The following RNF144A variants were observed in gnomAD, a reference collection of about 807,000 sequenced individuals.
RNF144A encodes ring finger protein 144A, also known as E3 ubiquitin-protein ligase RNF144A.
RNF144A carries 11 observed loss-of-function variants against 38.7 expected under a neutral mutation model. The ratio of observed to expected loss-of-function variants is 0.28; its 90% CI spans 0.18 to 0.47. The LOEUF (loss-of-function observed/expected upper bound fraction) is 0.47. Among genes scored for constraint, RNF144A ranks in the 20% least tolerant of loss-of-function variants. The pLI is 0.99. For synonymous variants in RNF144A, 149 were observed against 143.9 expected (o/e 1.04, Z -0.25); for missense variants, 316 against 377.2 (o/e 0.84, Z 1.34).
rs1467176300 is a variant in RNF144A, at chr2:6,943,985, G to A, written c.-12+2838G>A. 6.6e-6 allele frequency among the ~76,000 whole-genome samples: 1 copy of A among 152,174 alleles called. No homozygotes were observed. The highest frequency in any genetic ancestry group is 2.4e-5 in the African/African-American group (1 of 41,440). On this transcript the variant is annotated intron_variant, in intron 2 of 8. Coordinates refer to ENST00000320892, the MANE Select transcript of RNF144A (RefSeq NM_014746.6). The surrounding 1 kb of genome is among the most constrained non-coding windows in gnomAD (Gnocchi z 4.3). ...TGCTTCTCTAGACAGCCCTGATGGG[G>A]AGTTGAAGTGTGCAGGAGGTCAAGG...
chr2:6,990,535 ATG>A (rs1669286064), intron 2 of RNF144A, among the ~76,000 whole-genome samples: 1 of 137,750 alleles, frequency 7.3e-6, no homozygotes, highest in African/African-American at 2.7e-5. Flanking sequence ...ATATATTGCT[ATG>A]TATATATATA....
intron 2 of RNF144A, among the ~76,000 whole-genome samples, chr2:6,979,941 C>A (rs1282608960): frequency 6.6e-6 from 1 of 152,174 alleles, no homozygotes; most frequent in Non-Finnish European, 1.5e-5. Flanking sequence ...AGGAAACTCA[C>A]AATTATGGCT....
intron 5 of RNF144A, among the ~76,000 whole-genome samples, chr2:7,016,702 G>A (rs1351980086): frequency 6.6e-6 from 1 of 151,664 alleles, no homozygotes; most frequent in Non-Finnish European, 1.5e-5. Context: ...ATATAGTTAT[G>A]GATTATAGCC....
chr2:6,948,225 A>C (rs879683473), intron 2 of RNF144A, among the ~76,000 whole-genome samples: 4 of 152,170 alleles, frequency 2.6e-5, no homozygotes, highest in Non-Finnish European at 5.9e-5. Context: ...GGCTGCAGGA[A>C]TTTGGGAGAT....
chr2:7,060,258 GTT>G (rs745529220), intron 6 of RNF144A, among the ~76,000 whole-genome samples: 15 of 150,992 alleles, frequency 9.9e-5, no homozygotes, highest in Non-Finnish European at 1.9e-4. Context: ...ACATGATCCT[GTT>G]TTGTTTTTTT....
chr2:7,024,884 C>T (rs995930571), intron 7 of RNF144A, among the ~76,000 whole-genome samples: 1 of 151,976 alleles, frequency 6.6e-6, no homozygotes, highest in African/African-American at 2.4e-5. Flanking sequence ...ATTTATTCCT[C>T]ATGGTTCTGG....
At chr2:6,939,989 A>G (rs937693094) in intron 1 of RNF144A, among the ~76,000 whole-genome samples, 1 of 150,730 alleles carries the variant, frequency 6.6e-6, no homozygotes, top group Non-Finnish European at 1.5e-5. Context: ...AAGAAGTGTA[A>G]CTCCCCCAAG....
At chr2:7,036,248 G>A (rs1672671073) in intron 8 of RNF144A, among the ~76,000 whole-genome samples, 1 of 152,192 alleles carries the variant, frequency 6.6e-6, no homozygotes, top group Non-Finnish European at 1.5e-5. Context: ...CATCTGACAA[G>A]GGAGAATCTT....
chr2:6,993,796 G>T (rs1440939972), intron 2 of RNF144A, among the ~76,000 whole-genome samples: 1 of 152,100 alleles, frequency 6.6e-6, no homozygotes, highest in African/African-American at 2.4e-5. Flanking sequence ...CCAACAGCTT[G>T]TTTTATCCAT....
intron 2 of RNF144A, among the ~76,000 whole-genome samples, chr2:6,996,416 C>T (rs1019814361): frequency 6.6e-6 from 1 of 151,996 alleles, no homozygotes; most frequent in African/African-American, 2.4e-5. Flanking sequence ...GAGTTGTTTG[C>T]CGTTTTGAGG....
Position 7,030,193 on chromosome 2 carries a change from C to A in RNF144A, c.725C>A (p.Ser242Tyr). The stretch of plus-strand genomic sequence containing the variant: ...AACAAGCTGGGCCACTCCCGGGCAT[C>A]TGTGATCTGGCATCGGACACAGGTA... ...CRNKLGHSRA[S>Y]VIWHRTQVVG... is the part of the protein sequence containing the mutation. The change falls in exon 8 of 9, where the codon TCT becomes TAT. Residue 242 changes from serine to tyrosine, a missense_variant. Transcript: ENST00000320892. 2 of 1,613,322 alleles carry A rather than the reference C, an allele frequency of 1.2e-6. No homozygotes were observed. Among genetic ancestry groups the A allele is most frequent in the Non-Finnish European group, 1.7e-6 (2 of 1,179,694 alleles).
At position 7,040,160 on chromosome 2, in the gene RNF144A, A is replaced by C. The variant is rs1672960186; in HGVS notation, c.*400A>C. 1 of 995,176 alleles carries C rather than the reference A, an allele frequency of 1.0e-6. No homozygotes were observed. Among genetic ancestry groups the C allele is most frequent in the African/African-American group, 1.7e-5 (1 of 57,622 alleles). The allele number at this position is 995,176 out of a possible 1,614,324, so 61.6% of individuals were successfully genotyped here. ...TTAAGGACTGCCACTCTCTTCAGAC[A>C]GAATCTGATTATTCCAGCTTGAGAG... On this transcript the variant is annotated 3_prime_UTR_variant, in exon 9 of 9. Transcript: ENST00000320892.
intron 2 of RNF144A, among the ~76,000 whole-genome samples, chr2:6,960,278 C>T (rs1330019107): frequency 6.6e-6 from 1 of 152,208 alleles, no homozygotes; most frequent in African/African-American, 2.4e-5. Context: ...ATCTTCGCAA[C>T]AGAGTGAAAA....
intron 2 of RNF144A, among the ~76,000 whole-genome samples, chr2:6,942,734 A>G (rs1393566716): frequency 6.6e-6 from 1 of 152,242 alleles, no homozygotes; most frequent in African/African-American, 2.4e-5. Context: ...CTGTAATCCC[A>G]GCACTTTGGG....
At chr2:7,058,588 A>T (rs1404722909) in intron 6 of RNF144A, among the ~76,000 whole-genome samples, 1 of 152,198 alleles carries the variant, frequency 6.6e-6, no homozygotes, top group Non-Finnish European at 1.5e-5. Flanking sequence ...TCTAAAGGAT[A>T]AAAACTTTTT....
rs551960604 is a variant in RNF144A at position 6,943,335 on chromosome 2, G to C, written c.-12+2188G>C. Among the ~76,000 whole-genome samples, 4 of 152,286 alleles carry C rather than the reference G, an allele frequency of 2.6e-5. No individual in the cohort carries two copies. The highest frequency in any genetic ancestry group is 9.6e-5 in the African/African-American group (4 of 41,558). On this transcript the variant is annotated intron_variant, in intron 2 of 8. Coordinates refer to ENST00000320892, the MANE Select transcript of RNF144A (RefSeq NM_014746.6). The surrounding 1 kb of genome is among the most constrained non-coding windows in gnomAD (Gnocchi z 4.3). ...TGGAGAGGACTGAGAATGGAGGCTC[G>C]GATCAGTGCCAGGACCAGTGGTCCA...
chr2:6,926,659 C>T (rs1025223805), intron 1 of RNF144A, among the ~76,000 whole-genome samples: 8 of 152,182 alleles, frequency 5.3e-5, no homozygotes, highest in South Asian at 2.1e-4. Context: ...CTCTAGCACT[C>T]GGCACACAGG....
intron 1 of RNF144A, among the ~76,000 whole-genome samples, chr2:6,922,421 A>G (rs892888593): frequency 7.2e-5 from 11 of 152,264 alleles, no homozygotes; most frequent in Middle Eastern, 3.4e-3. Context: ...AGGACTGTGC[A>G]CATCTCTTAC....
chr2:7,012,260 A>C (rs990778221), intron 3 of RNF144A, among the ~76,000 whole-genome samples: 2 of 152,228 alleles, frequency 1.3e-5, no homozygotes, highest in Non-Finnish European at 2.9e-5. Context: ...AAAAAGAGAC[A>C]ACAGCCACTA....
Sources: allele counts gnomAD v4.1 joint callset (sites outside exome capture counted in the v4.1 genomes callset), GRCh38; gene constraint gnomAD v4.1.1; non-coding constraint Gnocchi (gnomAD v3.1); transcripts MANE v1.5; gene names NCBI Gene and HGNC (gene_info 2026-07-23, HGNC 2026-07-21).